The following NLRP5 variants were observed in gnomAD, a reference collection of about 807,000 sequenced individuals.
NLRP5 encodes the protein NACHT, LRR and PYD domains-containing protein 5.
NLRP5 carries 93 observed loss-of-function variants against 113.1 expected under a neutral mutation model. The ratio of observed to expected loss-of-function variants is 0.82; its 90% CI spans 0.70 to 0.98. The LOEUF (loss-of-function observed/expected upper bound fraction) is 0.98. Ranked by LOEUF, NLRP5 falls within the 50% of genes least tolerant of loss-of-function variation. NLRP5 has a pLI of 0.00. For missense variants in NLRP5, 1,808 were observed against 1,514.3 expected (o/e 1.19, Z -3.22); for synonymous variants, 751 against 600.7 (o/e 1.25, Z -3.66).
intron 6 of NLRP5, among the ~76,000 whole-genome samples, chr19:56,021,532 A>C (rs1408141752): frequency 6.6e-6 from 1 of 152,136 alleles, no homozygotes; most frequent in African/African-American, 2.4e-5. Flanking sequence ...TTGTATCTCT[A>C]AACTCTCCGA....
At chr19:56,042,366 G>C (rs1555769612) in intron 11 of NLRP5, among the ~76,000 whole-genome samples, 4 of 151,890 alleles carry the variant, frequency 2.6e-5, no homozygotes, top group Non-Finnish European at 5.9e-5. Flanking sequence ...TGTGTTTTGA[G>C]ACAGTTTGGC....
intron 11 of NLRP5, among the ~76,000 whole-genome samples, chr19:56,044,864 TGTC>T (rs1265304494): frequency 2.0e-5 from 3 of 152,244 alleles, no homozygotes; most frequent in Non-Finnish European, 4.4e-5. Flanking sequence ...CATTTGTTCG[TGTC>T]GTCTGTGATT....
At chr19:55,996,426 T>C (rs1385205461), upstream of NLRP5, among the ~76,000 whole-genome samples, 1 of 152,214 alleles carries the variant, frequency 6.6e-6, no homozygotes, top group Non-Finnish European at 1.5e-5. Flanking sequence ...TATGTATACA[T>C]GTGCCCTGTT....
chr19:56,013,595 G>GTTTTTTTTTTTTTTTTTT (rs1418924718), intron 3 of NLRP5, among the ~76,000 whole-genome samples: 44 of 30,978 alleles, frequency 1.4e-3, no homozygotes, highest in Non-Finnish European at 2.0e-3. Flanking sequence ...TGGACATTTG[G>GTTTTTTTTTTTTTTTTTT]GTTTTTTTTT....
the NLRP5 span, among the ~76,000 whole-genome samples, chr19:55,990,079 C>CTTTTCTTTTCTTTTTTTTTTTT: frequency 1.0e-5 from 1 of 95,958 alleles, no homozygotes; most frequent in Non-Finnish European, 2.0e-5. Flanking sequence ...TTTCTTTTTT[C>CTTTTCTTTTCTTTTTTTTTTTT]TTTTTTTTTT....
rs760289445 is a variant in NLRP5 at position 56,027,080 on chromosome 19, G to C, written c.847G>C (p.Val283Leu). 1 of 1,562,858 alleles carries C rather than the reference G, an allele frequency of 6.4e-7. No individual in the cohort carries two copies. Among genetic ancestry groups the C allele is most frequent in the East Asian group, 2.4e-5 (1 of 41,722 alleles). The change falls in exon 7 of 15, where the codon GTT (valine) becomes CTT (leucine). Residue 283 changes from valine (V) to leucine (L), a missense_variant. Transcript: ENST00000390649. ...GTGGGGCTTCCGGCCTCGCACGGTG[G>C]TTCTGCACGGAAAGTCAGGAATTGG...
chr19:55,995,491 C>T (rs1272407897), upstream of NLRP5, among the ~76,000 whole-genome samples: 1 of 152,136 alleles, frequency 6.6e-6, no homozygotes, highest in African/African-American at 2.4e-5. Context: ...CAGTGCCATG[C>T]TGTTTTGGTT....
chr19:56,060,810 C>T (rs1984325320), intron 14 of NLRP5, among the ~76,000 whole-genome samples: 1 of 151,920 alleles, frequency 6.6e-6, no homozygotes, highest in Non-Finnish European at 1.5e-5. Flanking sequence ...TGCTAGAGGC[C>T]AATACTGTGA....
the NLRP5 span, among the ~76,000 whole-genome samples, chr19:55,987,123 C>G: frequency 6.6e-6 from 1 of 152,212 alleles, no homozygotes; most frequent in South Asian, 2.1e-4. Context: ...AATCCCAGCA[C>G]TTTGGGAGGC....
intron 14 of NLRP5, 43 bp from the exon 15 acceptor site, chr19:56,061,353 G>T (rs570404613): frequency 1.9e-6 from 3 of 1,597,722 alleles, no homozygotes; most frequent in South Asian, 1.1e-5. Flanking sequence ...GAGAAGAGTC[G>T]AAAGCAACAT....
At chr19:56,020,063 G>A (rs1008050496) in intron 5 of NLRP5, among the ~76,000 whole-genome samples, 12 of 151,754 alleles carry the variant, frequency 7.9e-5, no homozygotes, top group Admixed American at 4.6e-4. Flanking sequence ...TCTCGAACTC[G>A]TGACCTCGGC....
chr19:56,039,399 A>C (rs1037115653), intron 10 of NLRP5, among the ~76,000 whole-genome samples: 8 of 152,298 alleles, frequency 5.3e-5, no homozygotes, highest in African/African-American at 1.7e-4. Context: ...GCACAGCTCT[A>C]GGTGACCTTT....
chr19:56,020,315 T>C, intron 5 of NLRP5, 60 bp from the exon 6 acceptor site: 1 of 1,592,352 alleles, frequency 6.3e-7, no homozygotes, highest in Non-Finnish European at 8.6e-7. Context: ...ATCTTGGGGG[T>C]GTCTGACATC....
chr19:56,002,075 G>A (rs941575553), intron 1 of NLRP5, among the ~76,000 whole-genome samples: 2 of 152,146 alleles, frequency 1.3e-5, no homozygotes, highest in African/African-American at 4.8e-5. Context: ...AGACAACTCG[G>A]GGAGGTAATT....
In NLRP5 at chr19:56,027,799, G is replaced by A. The variant is rs1982928825; in HGVS notation, c.1566G>A (p.Leu522=). ...GCGTGGTCCGGCGCTGTCTCAATCT[G>A]GAGGAAAGAGTTGTCCTGAAGCGCT... is the stretch of plus-strand genomic sequence containing the variant. The change falls in exon 7 of 15, where the codon CTG becomes CTA. Residue 522 remains leucine, a synonymous_variant. Coordinates refer to ENST00000390649, the MANE Select transcript of NLRP5 (RefSeq NM_153447.4). 6.2e-7 allele frequency: 1 copy of A among 1,613,898 alleles called. No individual in the cohort carries two copies. The highest frequency in any genetic ancestry group is 1.3e-5 in the African/African-American group (1 of 74,934).
chr19:56,024,251 C>T (rs1436611727), intron 6 of NLRP5, among the ~76,000 whole-genome samples: 8 of 150,236 alleles, frequency 5.3e-5, no homozygotes, highest in South Asian at 4.2e-4. Flanking sequence ...GCCTATAACC[C>T]GAGCACTTGG....
the NLRP5 span, among the ~76,000 whole-genome samples, chr19:55,991,593 G>A: frequency 6.6e-6 from 1 of 151,970 alleles, no homozygotes; most frequent in Non-Finnish European, 1.5e-5. Flanking sequence ...TTGATCTCAC[G>A]TTTAACTGGT....
At chr19:55,987,566 C>G in the NLRP5 span, among the ~76,000 whole-genome samples, 1 of 152,142 alleles carries the variant, frequency 6.6e-6, no homozygotes, top group South Asian at 2.1e-4. Context: ...AGGGAGGAAG[C>G]TGAGCCCCAG....
intron 11 of NLRP5, among the ~76,000 whole-genome samples, chr19:56,049,797 C>T (rs1339216298): frequency 6.6e-6 from 1 of 152,104 alleles, no homozygotes; most frequent in Non-Finnish European, 1.5e-5. Flanking sequence ...TTTCTCTAAT[C>T]CCTCTCTGAT....
Sources: gnomAD v4.1 joint callset for allele counts (sites outside exome capture counted in the v4.1 genomes callset) on GRCh38, gnomAD v4.1.1 for gene constraint, MANE v1.5 for transcripts, NCBI Gene and HGNC (gene_info 2026-07-23, HGNC 2026-07-21) for gene names.